The following REC114 variants were observed in gnomAD, a reference collection of about 807,000 sequenced individuals.
REC114 encodes meiotic recombination protein REC114.
In REC114, 27 loss-of-function variants were observed where a neutral mutation model predicts 31.3. The ratio of observed to expected loss-of-function variants is 0.86; its 90% confidence interval spans 0.64 to 1.19. The LOEUF (loss-of-function observed/expected upper bound fraction) is 1.19, where lower values mean the gene tolerates loss of function less well. REC114 is among the 50% of genes most tolerant of loss of function. REC114 has a pLI of 0.00. For synonymous variants in REC114, 134 were observed against 127.7 expected (o/e 1.05, Z -0.33); for missense variants, 344 against 326.9 (o/e 1.05, Z -0.40).
intron 4 of REC114, among the ~76,000 whole-genome samples, chr15:73,553,643 T>C (rs1894422433): frequency 6.6e-6 from 1 of 152,138 alleles, no homozygotes; most frequent in African/African-American, 2.4e-5. Flanking sequence ...TGCAAATAAA[T>C]TGAAGTTGTA....
chr15:73,538,661 T>C (rs1595880772), intron 2 of REC114, among the ~76,000 whole-genome samples: 2 of 152,104 alleles, frequency 1.3e-5, no homozygotes, highest in Admixed American at 1.3e-4. Context: ...TTTCTCTGTG[T>C]TAGCCAAGAT....
intron 3 of REC114, among the ~76,000 whole-genome samples, chr15:73,542,406 A>G (rs965990038): frequency 6.6e-6 from 1 of 151,956 alleles, no homozygotes; most frequent in Non-Finnish European, 1.5e-5. Context: ...CAGCAACTCA[A>G]CAGTGTCCAG....
intron 4 of REC114, among the ~76,000 whole-genome samples, chr15:73,552,572 T>C (rs1350440367): frequency 6.6e-6 from 1 of 152,212 alleles, no homozygotes; most frequent in East Asian, 1.9e-4. Flanking sequence ...TAAGGGGTCT[T>C]GTGATAAAAA....
intron 2 of REC114, among the ~76,000 whole-genome samples, chr15:73,503,320 G>A (rs1893626633): frequency 6.6e-6 from 1 of 152,100 alleles, no homozygotes; most frequent in Admixed American, 6.5e-5. Flanking sequence ...TCATAGAACT[G>A]TATACTAAAA....
chr15:73,514,862 T>G (rs898274670), intron 2 of REC114, among the ~76,000 whole-genome samples: 1 of 151,770 alleles, frequency 6.6e-6, no homozygotes, highest in African/African-American at 2.4e-5. Flanking sequence ...GGCATAAGTT[T>G]AAGTACAGTG....
chr15:73,464,044 T>A (rs975224026), intron 1 of REC114, among the ~76,000 whole-genome samples: 1 of 152,174 alleles, frequency 6.6e-6, no homozygotes, highest in Non-Finnish European at 1.5e-5. Flanking sequence ...TTCTATTATT[T>A]TTTCAATCAG....
At chr15:73,488,493 A>ATTTT (rs1177438221) in intron 2 of REC114, among the ~76,000 whole-genome samples, 1 of 152,164 alleles carries the variant, frequency 6.6e-6, no homozygotes, top group Admixed American at 6.5e-5. Flanking sequence ...TCCATACAGC[A>ATTTT]CCTAGAGTAT....
Position 73,540,421 on chromosome 15 carries a change from T to C in REC114, c.250-64T>C, listed in dbSNP as rs1894221797. 3.6e-6 allele frequency: 4 copies of C among 1,121,638 alleles called. No individual in the cohort carries two copies. In the South Asian group the frequency reaches 3.7e-5, roughly 10 times the overall value. The allele number at this position is 1,121,638 out of a possible 1,614,324, so 69.5% of individuals were successfully genotyped here. A position where few individuals can be genotyped will look rare whatever the true frequency, so the allele number is the denominator to read the frequency against. On this transcript the variant is annotated intron_variant, in intron 2 of 5. Coordinates refer to ENST00000331090, the MANE Select transcript of REC114 (RefSeq NM_001042367.2). ...ATACAACTTTCTAACAGGAAGTAGC[T>C]GCAGCCATAGCTATTCTTCATATTT...
At chr15:73,491,207 CTTAA>C (rs748855937) in intron 2 of REC114, among the ~76,000 whole-genome samples, 3 of 120,168 alleles carry the variant, frequency 2.5e-5, no homozygotes, top group Non-Finnish European at 3.7e-5. Flanking sequence ...TGTGTATTAT[CTTAA>C]TTTTGTGTAT....
intron 1 of REC114, among the ~76,000 whole-genome samples, chr15:73,461,556 CTT>C (rs979961421): frequency 2.0e-5 from 3 of 152,152 alleles, no homozygotes; most frequent in Non-Finnish European, 1.5e-5. Context: ...TTTTCATACT[CTT>C]TTGACTTTTT....
rs768441032 is a variant in REC114 at position 73,443,210 on chromosome 15, T to C, written c.25T>C (p.Leu9=). ...CATGGCGGAGGCAGGAAAAGTGCCC[T>C]TGAGCCTCGGGCTTACCGGAGGAGA... MAEAGKVP[L]SLGLTGGEAA... is the part of the protein sequence containing the mutation. The change falls in exon 1 of 6, where the codon TTG becomes CTG. Residue 9 remains leucine (L), a synonymous_variant. Transcript: ENST00000331090. 3.4e-5 allele frequency: 53 copies of C among 1,573,976 alleles called. No homozygotes were observed. Among genetic ancestry groups the C allele is most frequent in the Non-Finnish European group, 4.5e-5 (52 of 1,160,916 alleles).
At chr15:73,502,821 C>A (rs113702379) in intron 2 of REC114, among the ~76,000 whole-genome samples, 3,395 of 152,238 alleles carry the variant, frequency 0.022, 34 homozygotes, top group African/African-American at 0.028. Context: ...TTTTATGGAA[C>A]CTGGCACATT....
rs763285923 is a variant in REC114 at position 73,540,490 on chromosome 15, G to A, written c.255G>A (p.Gly85=). Residue 85 remains glycine, a synonymous_variant, in exon 3 of 6, where the codon GGG becomes GGA. Coordinates refer to ENST00000331090, the MANE Select transcript of REC114 (RefSeq NM_001042367.2). ...FIFQGQTLLE[G]FSLIGSKDWL... is the part of the protein sequence containing the mutation. ...TTTGCCTAATTTTGTTTCAGGAAGG[G>A]TTTTCACTCATTGGTAGCAAGGACT... 31 of 1,613,574 alleles carry A rather than the reference G, an allele frequency of 1.9e-5. No individual in the cohort carries two copies. The highest frequency in any genetic ancestry group is 1.6e-4 in the Middle Eastern group (1 of 6,082).
At chr15:73,493,179 C>T (rs1893469406) in intron 2 of REC114, among the ~76,000 whole-genome samples, 1 of 151,950 alleles carries the variant, frequency 6.6e-6, no homozygotes, top group Admixed American at 6.6e-5. Context: ...CCAACACACC[C>T]AGCTAATATT....
intron 1 of REC114, among the ~76,000 whole-genome samples, chr15:73,448,099 G>T (rs889756836): frequency 0.012 from 1,709 of 145,318 alleles, 29 homozygotes; most frequent in African/African-American, 0.04. Flanking sequence ...GAGTTTGTTT[G>T]TTTTTTTTTT....
chr15:73,527,878 T>C (rs1272915642), intron 2 of REC114, among the ~76,000 whole-genome samples: 1 of 152,014 alleles, frequency 6.6e-6, no homozygotes, highest in Non-Finnish European at 1.5e-5. Context: ...TGTCGTTATC[T>C]ATACGGGGGG....
intron 1 of REC114, among the ~76,000 whole-genome samples, chr15:73,451,038 G>T (rs997669126): frequency 5.9e-5 from 9 of 152,192 alleles, no homozygotes; most frequent in Admixed American, 5.2e-4. Flanking sequence ...AAGCAGGAAA[G>T]ACCTAAGGTT....
chr15:73,475,851 A>G (rs1893205651), intron 2 of REC114, among the ~76,000 whole-genome samples: 1 of 152,114 alleles, frequency 6.6e-6, no homozygotes, highest in African/African-American at 2.4e-5. Context: ...TTCATTCACC[A>G]CTCACTCACC....
intron 1 of REC114, among the ~76,000 whole-genome samples, chr15:73,468,506 T>C (rs368656744): frequency 3.3e-5 from 5 of 152,190 alleles, no homozygotes; most frequent in African/African-American, 1.2e-4. Context: ...ATGTTGTCTG[T>C]GAATAAAGAC....
Sources: gnomAD v4.1 joint callset for allele counts (sites outside exome capture counted in the v4.1 genomes callset) on GRCh38, gnomAD v4.1.1 for gene constraint, MANE v1.5 for transcripts, NCBI Gene and HGNC (gene_info 2026-07-23, HGNC 2026-07-21) for gene names.